Variants in TXNDC16 observed in about 807,000 individuals in gnomAD.
TXNDC16 encodes the protein thioredoxin domain-containing protein 16.
Under a neutral mutation model 85.6 loss-of-function variants are expected in TXNDC16, and 74 were observed. The observed-to-expected ratio is 0.86, with a 90% CI of 0.72 to 1.05. The LOEUF (loss-of-function observed/expected upper bound fraction) is 1.05, where lower values mean the gene tolerates loss of function less well. Among genes scored for constraint, TXNDC16 ranks in the 50% least tolerant of loss-of-function variants. The pLI is 0.00. For missense variants in TXNDC16, 959 were observed against 947.0 expected (o/e 1.01, Z -0.17); for synonymous variants, 335 against 326.5 (o/e 1.03, Z -0.28).
rs913822133 is a variant in TXNDC16, at chr14:52,431,361, C to T, written c.*943G>A. The T allele has an allele frequency of 3.3e-5, 5 of 152,158 alleles. No homozygotes were observed. Among genetic ancestry groups the T allele is most frequent in the Non-Finnish European group, 7.3e-5 (5 of 68,028 alleles). The allele number at this position is 152,158 out of a possible 1,614,324, so 9.4% of individuals were successfully genotyped here. A position where few individuals can be genotyped will look rare whatever the true frequency, so the allele number is the denominator to read the frequency against. On this transcript the variant is annotated 3_prime_UTR_variant, in exon 21 of 21. Coordinates refer to ENST00000281741, the MANE Select transcript of TXNDC16 (RefSeq NM_020784.3). Reference sequence around the variant, plus strand: ...GTAGAAATAAGAGGAGGTTTTAAGACTCACTTAAAATATAAATATCATTCT... The same window carrying T: ...GTAGAAATAAGAGGAGGTTTTAAGATTCACTTAAAATATAAATATCATTCT...
chr14:52,503,918 C>T (rs1026227664), intron 9 of TXNDC16, among the ~76,000 whole-genome samples: 7 of 152,084 alleles, frequency 4.6e-5, no homozygotes, highest in African/African-American at 1.7e-4. Context: ...ACGAGAACTA[C>T]GGGACAAATG....
intron 11 of TXNDC16, 66 bp from the exon 12 acceptor site, chr14:52,488,552 T>C (rs1352287162): frequency 7.3e-7 from 1 of 1,366,332 alleles, no homozygotes; most frequent in Non-Finnish European, 9.9e-7. Flanking sequence ...ATGTTTTACT[T>C]GGGCCAGGTG....
intron 6 of TXNDC16, among the ~76,000 whole-genome samples, chr14:52,536,437 T>C (rs759612386): frequency 3.3e-5 from 5 of 152,200 alleles, no homozygotes; most frequent in Non-Finnish European, 2.9e-5. Context: ...CAGACTAAGA[T>C]ACCTGGCAAA....
chr14:52,537,070 TCACACA>T (rs58583503), intron 5 of TXNDC16, among the ~76,000 whole-genome samples: 7 of 147,340 alleles, frequency 4.8e-5, no homozygotes, highest in African/African-American at 1.2e-4. Context: ...CAACTCACAA[TCACACA>T]CACACACACA....
At chr14:52,518,976 G>C (rs1052229309) in intron 7 of TXNDC16, among the ~76,000 whole-genome samples, 196 bp downstream of exon 7, 7 of 152,164 alleles carry the variant, frequency 4.6e-5, no homozygotes, top group Admixed American at 3.3e-4. Context: ...CAGTATGGCA[G>C]AAAGTCTAAC....
chr14:52,435,028 G>A (rs2034993468), intron 20 of TXNDC16, among the ~76,000 whole-genome samples: 1 of 152,212 alleles, frequency 6.6e-6, no homozygotes. Flanking sequence ...GATGTTCCTT[G>A]CAGGAAAGGA....
chr14:52,449,312 CA>C (rs1346336982), intron 18 of TXNDC16, among the ~76,000 whole-genome samples: 1 of 151,706 alleles, frequency 6.6e-6, no homozygotes, highest in East Asian at 1.9e-4. Context: ...TGATATCAGA[CA>C]AAATAGATTT....
At chr14:52,497,513 G>T (rs550750304) in intron 9 of TXNDC16, among the ~76,000 whole-genome samples, 2 of 152,282 alleles carry the variant, frequency 1.3e-5, no homozygotes, top group African/African-American at 2.4e-5. Flanking sequence ...CAAAGATACT[G>T]CAAGAAAAGG....
chr14:52,512,707 A>C (rs2036985149), intron 8 of TXNDC16, among the ~76,000 whole-genome samples: 1 of 152,206 alleles, frequency 6.6e-6, no homozygotes, highest in South Asian at 2.1e-4. Flanking sequence ...AATCTCACAG[A>C]ATATAAGGAA....
chr14:52,531,168 G>A (rs2037569583), intron 6 of TXNDC16, among the ~76,000 whole-genome samples: 1 of 152,082 alleles, frequency 6.6e-6, no homozygotes, highest in South Asian at 2.1e-4. Flanking sequence ...ATGGAACACT[G>A]ACAACACTGA....
At chr14:52,531,646 T>C (rs1208572207) in intron 6 of TXNDC16, among the ~76,000 whole-genome samples, 2 of 152,100 alleles carry the variant, frequency 1.3e-5, no homozygotes, top group South Asian at 4.1e-4. Context: ...CAGTGGTTTG[T>C]AGGGGAGAGA....
chr14:52,452,113 G>A (rs1390343249), intron 18 of TXNDC16, among the ~76,000 whole-genome samples: 2 of 151,978 alleles, frequency 1.3e-5, no homozygotes, highest in Non-Finnish European at 2.9e-5. Flanking sequence ...AAATACCCAG[G>A]AATTAACTAA....
intron 16 of TXNDC16, among the ~76,000 whole-genome samples, chr14:52,459,267 A>T (rs1245909714): frequency 6.6e-6 from 1 of 152,138 alleles, no homozygotes; most frequent in African/African-American, 2.4e-5. Flanking sequence ...AAGCAAGAAA[A>T]CCCCAGTAAC....
chr14:52,506,612 A>G (rs1274703274), intron 9 of TXNDC16, among the ~76,000 whole-genome samples: 1 of 124,124 alleles, frequency 8.1e-6, no homozygotes, highest in Non-Finnish European at 1.6e-5. Flanking sequence ...TGCGGACTGC[A>G]GTGGCGCAAT....
At chr14:52,528,426 G>A (rs977542468) in intron 6 of TXNDC16, among the ~76,000 whole-genome samples, 1 of 152,010 alleles carries the variant, frequency 6.6e-6, no homozygotes, top group Non-Finnish European at 1.5e-5. Context: ...TTGGATTTAG[G>A]TCAAAAATAA....
intron 6 of TXNDC16, among the ~76,000 whole-genome samples, chr14:52,523,703 CATTCTT>C (rs1287112497): frequency 1.3e-5 from 2 of 152,140 alleles, no homozygotes; most frequent in Non-Finnish European, 2.9e-5. Context: ...TCACAAATAT[CATTCTT>C]AGTCTTTTGT....
Position 52,488,414 on chromosome 14 carries a change from T to C in TXNDC16, c.1057A>G (p.Ile353Val), listed in dbSNP as rs1428762225. ...TCTTCATCTTCTTGTATTTCCTCAATGTGCATATTATTTTCCACATGAGAT... is the reference window on the plus strand; with the variant it reads ...TCTTCATCTTCTTGTATTTCCTCAACGTGCATATTATTTTCCACATGAGAT... ...IISHVENNMH[I>V]EEIQEDEDND... Residue 353 changes from isoleucine (I) to valine (V), a missense_variant, in exon 12 of 21, where the codon ATT (isoleucine) becomes GTT (valine). By Grantham distance (29) the Ile-to-Val change is conservative. Transcript: ENST00000281741. 5 of 1,613,454 alleles carry C rather than the reference T, an allele frequency of 3.1e-6. No individual in the cohort carries two copies. Among genetic ancestry groups the C allele is most frequent in the East Asian group, 2.2e-5 (1 of 44,862 alleles).
At chr14:52,444,959 A>G (rs946857843) in intron 18 of TXNDC16, among the ~76,000 whole-genome samples, 3 of 152,180 alleles carry the variant, frequency 2.0e-5, no homozygotes, top group Admixed American at 6.5e-5. Flanking sequence ...ATTTTGGTAC[A>G]TTAGTAAACA....
chr14:52,514,805 A>G, intron 8 of TXNDC16, 75 bp downstream of exon 8: 1 of 1,078,076 alleles, frequency 9.3e-7, no homozygotes, highest in Non-Finnish European at 1.4e-6. Context: ...CATAATGGAA[A>G]TGCTAAGTAA....
Sources: gnomAD v4.1 joint callset for allele counts (sites outside exome capture counted in the v4.1 genomes callset) on GRCh38, gnomAD v4.1.1 for gene constraint, MANE v1.5 for transcripts, NCBI Gene and HGNC (gene_info 2026-07-23, HGNC 2026-07-21) for gene names.